Variants in PIK3R5 observed in about 807,000 individuals in gnomAD.
PIK3R5 encodes the protein phosphoinositide-3-kinase regulatory subunit 5.
PIK3R5 carries 32 observed loss-of-function variants against 94.9 expected under a neutral mutation model. The observed-to-expected ratio is 0.34, with a 90% CI of 0.25 to 0.45. The LOEUF is 0.45. Ranked by LOEUF, PIK3R5 falls within the 20% of genes least tolerant of loss-of-function variation. The pLI is 1.00. For missense variants in PIK3R5, 853 were observed against 1,144.6 expected (o/e 0.75, Z 3.68); for synonymous variants, 443 against 479.4 (o/e 0.92, Z 0.99).
chr17:8,899,432 GC>G (rs1190729180), intron 5 of PIK3R5, among the ~76,000 whole-genome samples: 1 of 152,102 alleles, frequency 6.6e-6, no homozygotes, highest in Non-Finnish European at 1.5e-5. Context: ...AACCCTTACT[GC>G]CCCCAGCACT....
chr17:8,917,246 T>C (rs1394046673), intron 1 of PIK3R5, among the ~76,000 whole-genome samples: 1 of 152,228 alleles, frequency 6.6e-6, no homozygotes, highest in Non-Finnish European at 1.5e-5. Flanking sequence ...AGCACTTCTC[T>C]GAGGATTATC....
rs1282276251 is a variant in PIK3R5, at chr17:8,892,011, G to A, written c.483-1099C>T. 1.3e-5 allele frequency among the ~76,000 whole-genome samples: 2 copies of A among 152,078 alleles called. No individual in the cohort carries two copies. Among genetic ancestry groups the A allele is most frequent in the Non-Finnish European group, 2.9e-5 (2 of 68,020 alleles). ...GCACGGCTGTTCTCACTTCCCCCAT[G>A]CCAACCCCTCCATCACTGCATGACC... On this transcript the variant is annotated intron_variant, in intron 6 of 18. Transcript: ENST00000447110. This position sits in a 1 kb window ranked among gnomAD's most constrained non-coding sequence, Gnocchi z 4.3.
intron 1 of PIK3R5, among the ~76,000 whole-genome samples, chr17:8,948,412 C>G (rs562595928): frequency 6.6e-6 from 1 of 152,044 alleles, no homozygotes; most frequent in African/African-American, 2.4e-5. Flanking sequence ...TCACAGAGCT[C>G]GTGGCCAGGA....
At position 8,884,952 on chromosome 17, in the gene PIK3R5, C is replaced by A; in HGVS notation, c.2129-169G>T. 1.6e-6 allele frequency: 1 copy of A among 617,290 alleles called. No homozygotes were observed. 38.2% of individuals were successfully genotyped at this position (617,290 alleles called of 1,614,324 possible). ...CTGCCTCTCTCTCTGGCTCCACGTT[C>A]TGGGGATCTCCACCTCCTCAGTGAC... On this transcript the variant is annotated intron_variant, in intron 14 of 18. Transcript: ENST00000447110. This position sits in a 1 kb window ranked among gnomAD's most constrained non-coding sequence, Gnocchi z 5.8.
intron 1 of PIK3R5, among the ~76,000 whole-genome samples, chr17:8,952,520 C>G (rs1193839337): frequency 6.6e-6 from 1 of 152,168 alleles, no homozygotes; most frequent in Non-Finnish European, 1.5e-5. Flanking sequence ...TCTGTGTGTC[C>G]TACTCTAGGG....
intron 1 of PIK3R5, among the ~76,000 whole-genome samples, chr17:8,940,000 G>A (rs2091145564): frequency 6.6e-6 from 1 of 152,208 alleles, no homozygotes; most frequent in Admixed American, 6.5e-5. Flanking sequence ...TCTCTCTCAG[G>A]ACAGTTTAAT....
rs780046562 is a variant in PIK3R5 at position 8,887,526 on chromosome 17, G to T, written c.1774C>A (p.Pro592Thr). ...PPTDSPRHAS[P>T]GELGTTPWEE... ...GGCCCAGGCTGGGGACATACTCCAG[G>T]GCTGGCGTGCCTAGGGGAGTCTGTC... Residue 592 changes from proline to threonine, a missense_variant, in exon 11 of 19, where the codon CCT becomes ACT. Around this residue, in one of 6 missense-constraint regions of PIK3R5, gnomAD observed 319 missense variants for 339.8 expected, o/e 0.94. Coordinates refer to ENST00000447110, the MANE Select transcript of PIK3R5 (RefSeq NM_001142633.3). 1 of 1,604,838 alleles carries T rather than the reference G, an allele frequency of 6.2e-7. No homozygotes were observed. The highest frequency in any genetic ancestry group is 8.5e-7 in the Non-Finnish European group (1 of 1,175,948).
At chr17:8,886,396 T>C in intron 13 of PIK3R5, 74 bp from the exon 14 acceptor site, 3 of 1,601,744 alleles carry the variant, frequency 1.9e-6, no homozygotes, top group Non-Finnish European at 2.6e-6. Context: ...AGCATAGACC[T>C]GCTGGCTCTC....
In PIK3R5 at chr17:8,918,477, TATAG is replaced by T. The variant is rs1286030218; in HGVS notation, c.-13-6974_-13-6971del. Among the ~76,000 whole-genome samples, 7 of 152,310 alleles carry T rather than the reference TATAG, an allele frequency of 4.6e-5. 1 individual carries two copies. Among genetic ancestry groups the T allele is most frequent in the African/African-American group, 1.7e-4 (7 of 41,568 alleles). On this transcript the variant is annotated intron_variant, in intron 1 of 18. Transcript: ENST00000447110. ...AGAATAAAATAAATACCCACAAGTCTATAGATAATTATAGATAATTAAATGTTAT... is the reference window on the plus strand; with the variant it reads ...AGAATAAAATAAATACCCACAAGTCTATAATTATAGATAATTAAATGTTAT...
intron 1 of PIK3R5, among the ~76,000 whole-genome samples, chr17:8,961,236 C>A (rs2091557804): frequency 6.6e-6 from 1 of 152,102 alleles, no homozygotes; most frequent in African/African-American, 2.4e-5. Context: ...GCAGAGGTCT[C>A]CTCAGGCTAC....
intron 13 of PIK3R5, 22 bp from the exon 14 acceptor site, chr17:8,886,344 A>T (rs759166762): frequency 1.6e-5 from 25 of 1,605,310 alleles, no homozygotes; most frequent in Non-Finnish European, 2.1e-5. Flanking sequence ...AGGAGCATGT[A>T]CATCAGTGTG....
At position 8,888,996 on chromosome 17, in the gene PIK3R5, C is replaced by T; in HGVS notation, c.896-105G>A. The stretch of plus-strand genomic sequence containing the variant: ...CAGGACTCAGGGCCAGCCCAGGACT[C>T]CTAGCACTGCCCCCTTGCTCTGCTT... On this transcript the variant is annotated intron_variant, in intron 9 of 18. Transcript: ENST00000447110. The surrounding 1 kb of genome is among the most constrained non-coding windows in gnomAD (Gnocchi z 7.8). 6.6e-7 allele frequency: 1 copy of T among 1,521,654 alleles called. No individual in the cohort carries two copies. Among genetic ancestry groups the T allele is most frequent in the South Asian group, 1.3e-5 (1 of 78,588 alleles). The allele number at this position is 1,521,654 out of a possible 1,614,324, so 94.3% of individuals were successfully genotyped here. A position where few individuals can be genotyped will look rare whatever the true frequency, so the allele number is the denominator to read the frequency against.
At chr17:8,919,090 C>G (rs2090682167) in intron 1 of PIK3R5, among the ~76,000 whole-genome samples, 2 of 152,098 alleles carry the variant, frequency 1.3e-5, no homozygotes, top group Non-Finnish European at 2.9e-5. Flanking sequence ...TTGGTAGAGA[C>G]TAAGGAGACA....
At chr17:8,927,700 G>GT (rs147998479) in intron 1 of PIK3R5, among the ~76,000 whole-genome samples, 145 of 151,576 alleles carry the variant, frequency 9.6e-4, no homozygotes, top group African/African-American at 3.2e-3. Context: ...ACTTAGATAT[G>GT]TTTTTTTTTG....
At chr17:8,928,313 A>T (rs2090927299) in intron 1 of PIK3R5, among the ~76,000 whole-genome samples, 2 of 152,226 alleles carry the variant, frequency 1.3e-5, no homozygotes, top group South Asian at 4.1e-4. Flanking sequence ...GGGAGAGGAG[A>T]AAGAAGGCAG....
At chr17:8,917,950 A>C (rs960630387) in intron 1 of PIK3R5, among the ~76,000 whole-genome samples, 4 of 152,228 alleles carry the variant, frequency 2.6e-5, no homozygotes, top group Admixed American at 6.5e-5. Flanking sequence ...ACCATAGATA[A>C]TAAGAGCTAA....
At chr17:8,932,704 AAG>A (rs2091008312) in intron 1 of PIK3R5, among the ~76,000 whole-genome samples, 6 of 152,222 alleles carry the variant, frequency 3.9e-5, no homozygotes, top group Admixed American at 3.9e-4. Flanking sequence ...GAAAATAAAA[AAG>A]GTTTTCAAAA....
rs765671293 is a variant in PIK3R5 at position 8,886,190 on chromosome 17, C to G, written c.2128+39G>C. 53 of 1,503,436 alleles carry G rather than the reference C, an allele frequency of 3.5e-5. No individual in the cohort carries two copies. In the Admixed American group the frequency reaches 8.7e-4, roughly 25 times the overall value. The allele number at this position is 1,503,436 out of a possible 1,614,324, so 93.1% of individuals were successfully genotyped here. On this transcript the variant is annotated intron_variant, in intron 14 of 18. Coordinates refer to ENST00000447110, the MANE Select transcript of PIK3R5 (RefSeq NM_001142633.3). ...AGAGCTCCACGTTTCGCGTCCCAGGCCCCGCCTCACCGTCTGTCTCTGCTC... is the reference window on the plus strand; with the variant it reads ...AGAGCTCCACGTTTCGCGTCCCAGGGCCCGCCTCACCGTCTGTCTCTGCTC...
Position 8,888,470 on chromosome 17 carries a change from G to A in PIK3R5, c.1317C>T (p.Asp439=), listed in dbSNP as rs2089938271. ...CCGAGCTGCCCTCCAGGCTCCGAGA[G>A]TCCCTCCGCAGTACCAGCTGGCTGG... ...KSTSQLVLRR[D]SRSLEGSSDT... The change falls in exon 10 of 19, where the codon GAC becomes GAT. Residue 439 remains aspartate (D), a synonymous_variant. Coordinates refer to ENST00000447110, the MANE Select transcript of PIK3R5 (RefSeq NM_001142633.3). The surrounding 1 kb of genome is among the most constrained non-coding windows in gnomAD (Gnocchi z 7.8). 2 of 1,602,636 alleles carry A rather than the reference G, an allele frequency of 1.2e-6. No homozygotes were observed. Among genetic ancestry groups the A allele is most frequent in the South Asian group, 1.1e-5 (1 of 89,888 alleles).
Sources: gnomAD v4.1 joint callset for allele counts (sites outside exome capture counted in the v4.1 genomes callset) on GRCh38, gnomAD v4.1.1 for gene constraint, gnomAD v4.1.1 regional missense constraint, Gnocchi (gnomAD v3.1) non-coding constraint, MANE v1.5 for transcripts, NCBI Gene and HGNC (gene_info 2026-07-23, HGNC 2026-07-21) for gene names.